ARID3A: variants seen among roughly 807,000 people sequenced by gnomAD.
The protein encoded by ARID3A is AT-rich interactive domain-containing protein 3A.
Under a neutral mutation model 52.7 loss-of-function variants are expected in ARID3A, and 11 were observed. The observed-to-expected ratio is 0.21, with a 90% CI of 0.13 to 0.35. The LOEUF is 0.35. ARID3A is among the 10% of genes least tolerant of loss of function. The pLI is 1.00. For synonymous variants in ARID3A, 404 were observed against 359.4 expected (o/e 1.12, Z -1.40); for missense variants, 721 against 838.5 (o/e 0.86, Z 1.73).
chr19:971,613 C>A (rs558745512), intron 8 of ARID3A, among the ~76,000 whole-genome samples: 10 of 148,946 alleles, frequency 6.7e-5, no homozygotes, highest in African/African-American at 2.5e-4. Flanking sequence ...GACACCATCT[C>A]AAAAAAAAAC....
intron 8 of ARID3A, among the ~76,000 whole-genome samples, chr19:970,842 G>A (rs2038264059): frequency 6.6e-6 from 1 of 152,080 alleles, no homozygotes; most frequent in African/African-American, 2.4e-5. Context: ...TGGCGCTGTC[G>A]ACACAGAGCA....
chr19:928,054 G>C (rs1048879461), intron 1 of ARID3A, among the ~76,000 whole-genome samples: 3 of 152,066 alleles, frequency 2.0e-5, no homozygotes, highest in Non-Finnish European at 4.4e-5. Context: ...GGTCACAGGA[G>C]GGATCTGAGT....
At position 966,794 on chromosome 19, in the gene ARID3A, T is replaced by G. The variant is rs2038167033; in HGVS notation, c.1421T>G (p.Met474Arg). The G allele has an allele frequency of 6.2e-7, 1 of 1,613,560 alleles. No individual in the cohort carries two copies. Among genetic ancestry groups the G allele is most frequent in the African/African-American group, 1.3e-5 (1 of 74,938 alleles). Residue 474 changes from methionine (M) to arginine (R), a missense_variant, in exon 7 of 9, where the codon ATG becomes AGG. By Grantham distance (91) the Met-to-Arg change is moderately conservative. Around this residue, in one of 5 missense-constraint regions of ARID3A, gnomAD observed 297 missense variants for 343.2 expected, o/e 0.87. Transcript: ENST00000263620. ...ALVADEQQRLMQRALQQNFLA... is the reference protein window; with the variant it reads ...ALVADEQQRLRQRALQQNFLA... ...GTGGCCGATGAGCAGCAACGGCTGA[T>G]GCAACGTGCACTCCAGCAGAACTTC...
Position 964,143 on chromosome 19 carries a change from C to A in ARID3A, c.767-105C>A, listed in dbSNP as rs2038098388. 1.1e-6 allele frequency: 1 copy of A among 918,628 alleles called. No individual in the cohort carries two copies. The highest frequency in any genetic ancestry group is 1.6e-6 in the Non-Finnish European group (1 of 610,886). 56.9% of individuals were successfully genotyped at this position (918,628 alleles called of 1,614,324 possible). ...CTGGAGACATCTGTGGTTGTCACAG[C>A]CTGGGCGGGGGAGTGCTCCTGGCAT... On this transcript the variant is annotated intron_variant, in intron 4 of 8. Transcript: ENST00000263620. The surrounding 1 kb of genome is among the most constrained non-coding windows in gnomAD (Gnocchi z 5.7).
At chr19:928,619 T>C (rs530808067) in intron 1 of ARID3A, 1 of 152,348 alleles carries the variant, frequency 6.6e-6, no homozygotes, top group African/African-American at 2.4e-5. Context: ...GGGACCGCCC[T>C]GGTGCCCCCT....
intron 4 of ARID3A, among the ~76,000 whole-genome samples, chr19:962,131 C>G (rs530760585): frequency 1.3e-5 from 2 of 152,184 alleles, no homozygotes; most frequent in Non-Finnish European, 2.9e-5. Flanking sequence ...GCTTCCTGCT[C>G]TGTAATGGGG....
In ARID3A at chr19:973,122, T is replaced by TTTTTTTTTTTTTTTTTTTTTTTC; in HGVS notation, c.*1060_*1061insTTTTTTTTTTTTTTTTTTTCTTT. The TTTTTTTTTTTTTTTTTTTTTTTC allele has an allele frequency of 6.6e-6, 1 of 152,000 alleles. No individual in the cohort carries two copies. Among genetic ancestry groups the TTTTTTTTTTTTTTTTTTTTTTTC allele is most frequent in the Non-Finnish European group, 1.4e-5 (1 of 71,892 alleles). The allele number at this position is 152,000 out of a possible 1,614,324, so 9.4% of individuals were successfully genotyped here. On this transcript the variant is annotated 3_prime_UTR_variant, in exon 9 of 9. Coordinates refer to ENST00000263620, the MANE Select transcript of ARID3A (RefSeq NM_005224.3). ...CCTGGAAATTTTTTTTTTTTTTTTT[T>TTTTTTTTTTTTTTTTTTTTTTTC]TTTGAGACGGAGTTTTGCTCTTGTC... is the stretch of plus-strand genomic sequence containing the variant.
intron 3 of ARID3A, among the ~76,000 whole-genome samples, chr19:953,352 C>T (rs1354875384): frequency 2.0e-5 from 3 of 152,018 alleles, no homozygotes; most frequent in South Asian, 2.1e-4. Context: ...ACTTTTTCCT[C>T]CCCTCCCCCA....
At chr19:971,228 G>T (rs2038271080) in intron 8 of ARID3A, among the ~76,000 whole-genome samples, 1 of 152,202 alleles carries the variant, frequency 6.6e-6, no homozygotes, top group Non-Finnish European at 1.5e-5. Flanking sequence ...AGCACTTTGG[G>T]AGTCAGAGGC....
rs2037264846 is a variant in ARID3A, at chr19:929,252, TC to T, written c.-267-5del. ...AGGCCTGCTCTGACTGTGCCTTTTT[TC>T]CCCCTCAGGTTTCTGCAAATGCGTG... is the stretch of plus-strand genomic sequence containing the variant. On this transcript the variant is annotated splice_polypyrimidine_tract_variant and intron_variant, in intron 1 of 8. Coordinates refer to ENST00000263620, the MANE Select transcript of ARID3A (RefSeq NM_005224.3). The surrounding 1 kb of genome is among the most constrained non-coding windows in gnomAD (Gnocchi z 6.2). 4.3e-6 allele frequency: 1 copy of T among 232,626 alleles called. No individual in the cohort carries two copies. The highest frequency in any genetic ancestry group is 7.9e-6 in the Non-Finnish European group (1 of 126,664). 14.4% of individuals were successfully genotyped at this position (232,626 alleles called of 1,614,324 possible). A position where few individuals can be genotyped will look rare whatever the true frequency, so the allele number is the denominator to read the frequency against.
At chr19:933,097 C>T (rs1451512049) in intron 3 of ARID3A, among the ~76,000 whole-genome samples, 7 of 151,974 alleles carry the variant, frequency 4.6e-5, no homozygotes, top group South Asian at 2.1e-4. Context: ...GGCCTGCGGG[C>T]GATGCGGGCA....
At chr19:966,966 A>AT in intron 7 of ARID3A, 98 bp downstream of exon 7, 1 of 1,318,048 alleles carries the variant, frequency 7.6e-7, no homozygotes, top group East Asian at 2.6e-5. Flanking sequence ...CAAATCAATA[A>AT]GAAAAAAAAA....
chr19:927,146 G>A (rs1465691078), intron 1 of ARID3A, among the ~76,000 whole-genome samples: 1 of 152,124 alleles, frequency 6.6e-6, no homozygotes, highest in Non-Finnish European at 1.5e-5. Context: ...TGCAAGGCCC[G>A]CGCCGAGCGG....
rs1207997767 is a variant in ARID3A at position 929,631 on chromosome 19, C to T, written c.103C>T (p.Pro35Ser). Reference protein sequence around the residue: ...QQLPPDPPAAPPGRARAAPDE... With the variant: ...QQLPPDPPAASPGRARAAPDE... ...GCTGCCCCCCGATCCCCCTGCTGCACCCCCCGGCCGGGCCCGGGCTGCCCC... is the reference window on the plus strand; with the variant it reads ...GCTGCCCCCCGATCCCCCTGCTGCATCCCCCGGCCGGGCCCGGGCTGCCCC... Residue 35 changes from proline (P) to serine (S), a missense_variant, in exon 2 of 9, where the codon CCC (proline) becomes TCC (serine). Pro to Ser is a moderately conservative substitution (Grantham distance 74). Coordinates refer to ENST00000263620, the MANE Select transcript of ARID3A (RefSeq NM_005224.3). This position sits in a 1 kb window ranked among gnomAD's most constrained non-coding sequence, Gnocchi z 6.2. 8.5e-6 allele frequency: 13 copies of T among 1,526,000 alleles called. No homozygotes were observed. The highest frequency in any genetic ancestry group is 1.1e-5 in the Non-Finnish European group (13 of 1,142,788). 94.5% of individuals were successfully genotyped at this position (1,526,000 alleles called of 1,614,324 possible). A position where few individuals can be genotyped will look rare whatever the true frequency, so the allele number is the denominator to read the frequency against.
intron 7 of ARID3A, among the ~76,000 whole-genome samples, chr19:967,704 GAGAC>G (rs748575894): frequency 1.2e-4 from 18 of 152,308 alleles, no homozygotes; most frequent in Middle Eastern, 3.4e-3. Flanking sequence ...TCTAGTTGGC[GAGAC>G]AGACAGAAAA....
intron 3 of ARID3A, among the ~76,000 whole-genome samples, chr19:954,665 G>T (rs1473917828): frequency 6.6e-6 from 1 of 152,076 alleles, no homozygotes; most frequent in African/African-American, 2.4e-5. Context: ...GTAAAGGTGG[G>T]TGGGAGCAGA....
In ARID3A at chr19:938,095, C is replaced by G. The variant is rs978487294; in HGVS notation, c.693+5353C>G. On this transcript the variant is annotated intron_variant, in intron 3 of 8. Transcript: ENST00000263620. This position sits in a 1 kb window ranked among gnomAD's most constrained non-coding sequence, Gnocchi z 4.0. ...CCAACCTCAGGTGATCCTCACACCT[C>G]AGCGTCCCAGAGTGCTGGGATCACA... is the stretch of plus-strand genomic sequence containing the variant. Among the ~76,000 whole-genome samples, 16 of 152,100 alleles carry G rather than the reference C, an allele frequency of 1.1e-4. No individual in the cohort carries two copies. Among genetic ancestry groups the G allele is most frequent in the African/African-American group, 3.9e-4 (16 of 41,404 alleles).
rs1036037859 is a variant in ARID3A at position 942,557 on chromosome 19, G to C, written c.693+9815G>C. 6.6e-6 allele frequency among the ~76,000 whole-genome samples: 1 copy of C among 152,200 alleles called. No individual in the cohort carries two copies. The highest frequency in any genetic ancestry group is 6.5e-5 in the Admixed American group (1 of 15,286). ...ACGCTGACTAATCTGGCCATTGAAG[G>C]CCCAAGCGCCGGGATATGCAGCCTT... On this transcript the variant is annotated intron_variant, in intron 3 of 8. Coordinates refer to ENST00000263620, the MANE Select transcript of ARID3A (RefSeq NM_005224.3). This position sits in a 1 kb window ranked among gnomAD's most constrained non-coding sequence, Gnocchi z 8.1.
In ARID3A at chr19:964,967, C is replaced by T. The variant is rs372075149; in HGVS notation, c.1085C>T (p.Ser362Leu). Reference sequence around the variant, plus strand: ...TTTGGTGGCTCCCTCTTTGCCTACTCGCCAGGCGGGGCACACGGCATGCTC... The same window carrying T: ...TTTGGTGGCTCCCTCTTTGCCTACTTGCCAGGCGGGGCACACGGCATGCTC... ...QSFGGSLFAY[S>L]PGGAHGMLSS... The change falls in exon 6 of 9, where the codon TCG becomes TTG. Residue 362 changes from serine (S) to leucine (L), a missense_variant. By Grantham distance (145) the Ser-to-Leu change is moderately radical. This residue lies in a region of ARID3A where 297 missense variants were observed against 343.2 expected (regional missense o/e 0.87). Coordinates refer to ENST00000263620, the MANE Select transcript of ARID3A (RefSeq NM_005224.3). This position sits in a 1 kb window ranked among gnomAD's most constrained non-coding sequence, Gnocchi z 5.7. The T allele has an allele frequency of 6.2e-6, 10 of 1,613,768 alleles. No homozygotes were observed. The Admixed American group carries it at 1.0e-4, about 16-fold the overall frequency.
Sources: gnomAD v4.1 joint callset for allele counts (sites outside exome capture counted in the v4.1 genomes callset) on GRCh38, gnomAD v4.1.1 for gene constraint, gnomAD v4.1.1 regional missense constraint, Gnocchi (gnomAD v3.1) non-coding constraint, MANE v1.5 for transcripts, NCBI Gene and HGNC (gene_info 2026-07-23, HGNC 2026-07-21) for gene names.